Variants in MAN1A1 observed in about 807,000 individuals in gnomAD.
MAN1A1 encodes the protein mannosidase alpha class 1A member 1.
A neutral mutation model predicts 70.8 loss-of-function variants in MAN1A1; 29 were observed. The ratio of observed to expected loss-of-function variants is 0.41; its 90% confidence interval spans 0.31 to 0.56. The LOEUF is 0.56. MAN1A1 is among the 20% of genes least tolerant of loss of function. The pLI is 0.29. For synonymous variants in MAN1A1, 349 were observed against 330.1 expected (o/e 1.06, Z -0.62); for missense variants, 747 against 841.3 (o/e 0.89, Z 1.39).
intron 6 of MAN1A1, among the ~76,000 whole-genome samples, chr6:119,222,785 C>T (rs569050060): frequency 6.6e-6 from 1 of 152,256 alleles, no homozygotes; most frequent in East Asian, 1.9e-4. Context: ...AGCTGAAATC[C>T]TGGGCAGTGT....
chr6:119,210,894 G>A (rs770738568), intron 6 of MAN1A1: 43 of 455,578 alleles, frequency 9.4e-5, no homozygotes, highest in Admixed American at 1.6e-4. Flanking sequence ...CACCTCATAT[G>A]GTAGCCTCCA....
chr6:119,322,543 C>T (rs565959425), intron 2 of MAN1A1, among the ~76,000 whole-genome samples: 65 of 152,170 alleles, frequency 4.3e-4, no homozygotes, highest in Non-Finnish European at 7.8e-4. Context: ...CTATGTACAC[C>T]GAAACGAGGC....
intron 2 of MAN1A1, among the ~76,000 whole-genome samples, chr6:119,321,970 T>TC (rs1432408470): frequency 6.6e-6 from 1 of 152,054 alleles, no homozygotes; most frequent in Non-Finnish European, 1.5e-5. Flanking sequence ...GCCGCAGCCC[T>TC]CCATAACAGT....
At chr6:119,260,976 G>GTT (rs61169300) in intron 5 of MAN1A1, among the ~76,000 whole-genome samples, 4 of 116,954 alleles carry the variant, frequency 3.4e-5, no homozygotes, top group South Asian at 2.6e-4. Flanking sequence ...TTTTTTTATT[G>GTT]TTTTTTTTTT....
chr6:119,189,532 C>T (rs1210336474), intron 10 of MAN1A1, 132 bp downstream of exon 10: 1 of 790,738 alleles, frequency 1.3e-6, no homozygotes, highest in African/African-American at 1.7e-5. Flanking sequence ...ATATACATTC[C>T]TTTGAGACAT....
chr6:119,231,396 C>G (rs1459363323), intron 6 of MAN1A1, among the ~76,000 whole-genome samples: 1 of 152,174 alleles, frequency 6.6e-6, no homozygotes, highest in Non-Finnish European at 1.5e-5. Flanking sequence ...AAGAAGGTGC[C>G]TGCTTCTCCT....
chr6:119,333,054 T>A (rs1324976783), intron 2 of MAN1A1, among the ~76,000 whole-genome samples: 1 of 152,098 alleles, frequency 6.6e-6, no homozygotes, highest in Admixed American at 6.5e-5. Flanking sequence ...GCCAGTTTGG[T>A]TTATTACCTT....
intron 6 of MAN1A1, among the ~76,000 whole-genome samples, chr6:119,234,001 T>C (rs1185633640): frequency 6.6e-6 from 1 of 152,236 alleles, no homozygotes; most frequent in African/African-American, 2.4e-5. Context: ...GCAAAGTATT[T>C]AATCAAGAGT....
At chr6:119,287,107 ACT>A (rs927496209) in intron 5 of MAN1A1, among the ~76,000 whole-genome samples, 1 of 152,034 alleles carries the variant, frequency 6.6e-6, no homozygotes. Flanking sequence ...TGTAACTGAA[ACT>A]CTGACAATTA....
At position 119,320,298 on chromosome 6, in the gene MAN1A1, C is replaced by A. The variant is rs561275302; in HGVS notation, c.604-13306G>T. Among the ~76,000 whole-genome samples, 11 of 152,208 alleles carry A rather than the reference C, an allele frequency of 7.2e-5. No individual in the cohort carries two copies. The South Asian group carries it at 1.0e-3, about 14-fold the overall frequency. On this transcript the variant is annotated intron_variant, in intron 2 of 12. Transcript: ENST00000368468. ...GTATCTTCTCTTAAGGATGGGTCAG[C>A]CAGTTGTGTTTAAAGTTCAAACTAA...
In MAN1A1 at chr6:119,207,520, C is replaced by T. The variant is rs537739475; in HGVS notation, c.993-2638G>A. On this transcript the variant is annotated intron_variant, in intron 6 of 12. Transcript: ENST00000368468. ...TTAGATGAGGACATGGGGCACACAT[C>T]TATCTACCACATGCCGCCACAGCTG... Among the ~76,000 whole-genome samples the T allele has an allele frequency of 5.3e-5, 8 of 152,310 alleles. No individual in the cohort carries two copies. The East Asian group carries it at 5.8e-4, about 11-fold the overall frequency.
chr6:119,263,488 C>T (rs565721159), intron 5 of MAN1A1, among the ~76,000 whole-genome samples: 1 of 152,174 alleles, frequency 6.6e-6, no homozygotes, highest in African/African-American at 2.4e-5. Flanking sequence ...ACCACAGACA[C>T]CGGGGCCTTC....
At chr6:119,240,176 G>C (rs937890603) in intron 6 of MAN1A1, among the ~76,000 whole-genome samples, 1 of 152,100 alleles carries the variant, frequency 6.6e-6, no homozygotes, top group African/African-American at 2.4e-5. Flanking sequence ...CCTCTTAACA[G>C]ACTTCCCACA....
At chr6:119,235,448 G>T (rs559407330) in intron 6 of MAN1A1, among the ~76,000 whole-genome samples, 1 of 152,304 alleles carries the variant, frequency 6.6e-6, no homozygotes, top group African/African-American at 2.4e-5. Context: ...ACCTACTCCA[G>T]AGTAAGGCCC....
chr6:119,276,185 C>T (rs1473891026), intron 5 of MAN1A1, among the ~76,000 whole-genome samples: 3 of 152,112 alleles, frequency 2.0e-5, no homozygotes, highest in Non-Finnish European at 4.4e-5. Flanking sequence ...ACTGTGGCTC[C>T]GATTTGGCCT....
chr6:119,209,104 A>AAAG lies in MAN1A1; in HGVS notation c.993-4223_993-4222insCTT, dbSNP rs1191898540. 3.3e-5 allele frequency among the ~76,000 whole-genome samples: 5 copies of AAAG among 151,966 alleles called. No individual in the cohort carries two copies. The East Asian group carries it at 9.7e-4, about 29-fold the overall frequency. On this transcript the variant is annotated intron_variant, in intron 6 of 12. Transcript: ENST00000368468. Reference sequence around the variant, plus strand: ...AGACCCCGTCTCAAAAAAAAAAAAAAAAAAAGGTATAGGTTACAGTGACTG... The same window carrying AAAG: ...AGACCCCGTCTCAAAAAAAAAAAAAAAAGAAAAAGGTATAGGTTACAGTGACTG...
intron 5 of MAN1A1, among the ~76,000 whole-genome samples, chr6:119,277,990 A>AAATAAATAAAT (rs60916225): frequency 3.9e-4 from 44 of 112,388 alleles, no homozygotes; most frequent in East Asian, 2.3e-3. Context: ...AATAAATAAA[A>AAATAAATAAAT]AAAAAGTAAT....
At chr6:119,232,155 G>A (rs940450808) in intron 6 of MAN1A1, among the ~76,000 whole-genome samples, 13 of 151,910 alleles carry the variant, frequency 8.6e-5, no homozygotes, top group African/African-American at 2.4e-4. Context: ...GGCGGATCAC[G>A]AGGTCAGGAG....
At chr6:119,328,149 T>C (rs1473679974) in intron 2 of MAN1A1, among the ~76,000 whole-genome samples, 2 of 152,112 alleles carry the variant, frequency 1.3e-5, no homozygotes, top group African/African-American at 4.8e-5. Context: ...GATAATTTGT[T>C]AGAGCAATGA....
Sources: gnomAD v4.1 joint callset for allele counts (sites outside exome capture counted in the v4.1 genomes callset) on GRCh38, gnomAD v4.1.1 for gene constraint, MANE v1.5 for transcripts, NCBI Gene and HGNC (gene_info 2026-07-23, HGNC 2026-07-21) for gene names.